PRELID2: variants seen among roughly 807,000 people sequenced by gnomAD.
PRELID2 encodes PRELI domain-containing protein 2.
A neutral mutation model predicts 28.4 loss-of-function variants in PRELID2; 25 were observed. That is an observed-to-expected ratio of 0.88 (90% CI 0.64 to 1.23). The LOEUF (loss-of-function observed/expected upper bound fraction) is 1.23. Ranked by LOEUF, PRELID2 falls within the 50% of genes most tolerant of loss-of-function variation. PRELID2 has a pLI of 0.00. For synonymous variants in PRELID2, 76 were observed against 71.6 expected, an observed-to-expected ratio of 1.06 and a Z score of -0.31; for missense variants, 201 against 214.4, an observed-to-expected ratio of 0.94 and a Z score of 0.39.
intron 5 of PRELID2, 91 bp from the exon 6 acceptor site, chr5:145,765,091 G>A (rs1757667315): frequency 4.7e-6 from 4 of 843,974 alleles, no homozygotes; most frequent in Non-Finnish European, 7.3e-6. Context: ...AAAGAATCCA[G>A]GTCATGGCCA....
chr5:145,732,807 T>C (rs1756381938), intron 1 of PRELID2, among the ~76,000 whole-genome samples: 1 of 152,010 alleles, frequency 6.6e-6, no homozygotes, highest in African/African-American at 2.4e-5. Context: ...TGGGTATCTA[T>C]GGGGAGGATA....
At chr5:145,576,082 G>A (rs755898672) in intron 1 of PRELID2, among the ~76,000 whole-genome samples, 3 of 152,138 alleles carry the variant, frequency 2.0e-5, no homozygotes, top group Non-Finnish European at 4.4e-5. Context: ...TTTATGTGCT[G>A]TCATGGGCCT....
chr5:145,713,350 T>TTATATATATATATATA lies in PRELID2; in HGVS notation n.70+51565_70+51580dup, dbSNP rs148194664. 2.5e-3 allele frequency among the ~76,000 whole-genome samples: 313 copies of TTATATATATATATATA among 124,654 alleles called. 3 individuals are homozygous for TTATATATATATATATA. The highest frequency in any genetic ancestry group is 6.8e-3 in the African/African-American group (218 of 32,106). 81.8% of individuals were successfully genotyped at this position (124,654 alleles called of 152,430 possible). A position where few individuals can be genotyped will look rare whatever the true frequency, so the allele number is the denominator to read the frequency against. ...AGAACTCTAAGAATGATATCTGACT[T>TTATATATATATATATA]TATATATATATATATATATACTTTA... On this transcript the variant is annotated intron_variant and non_coding_transcript_variant, in intron 1 of 2. Transcript: ENST00000510259.
At chr5:145,805,429 T>C (rs1048571769) in intron 4 of PRELID2, among the ~76,000 whole-genome samples, 1 of 152,162 alleles carries the variant, frequency 6.6e-6, no homozygotes, top group Non-Finnish European at 1.5e-5. Context: ...ATGGGATACT[T>C]ACTATTTATC....
At chr5:145,394,748 G>A in the PRELID2 span, among the ~76,000 whole-genome samples, 1 of 152,086 alleles carries the variant, frequency 6.6e-6, no homozygotes, top group Non-Finnish European at 1.5e-5. Flanking sequence ...CCATTTTATG[G>A]AGGAGTGGCA....
At chr5:145,412,149 A>G in the PRELID2 span, among the ~76,000 whole-genome samples, 1 of 152,126 alleles carries the variant, frequency 6.6e-6, no homozygotes, top group Non-Finnish European at 1.5e-5. Flanking sequence ...TTGGTGATTA[A>G]TATTTGGTTC....
intron 1 of PRELID2, among the ~76,000 whole-genome samples, chr5:145,657,470 G>C (rs1331175350): frequency 6.6e-6 from 1 of 152,142 alleles, no homozygotes; most frequent in African/African-American, 2.4e-5. Context: ...CAGATCATGA[G>C]GTCAGGAGTT....
At chr5:145,327,007 CAAACGCCATAATCTT>C in the PRELID2 span, among the ~76,000 whole-genome samples, 1 of 102,724 alleles carries the variant, frequency 9.7e-6, no homozygotes, top group Non-Finnish European at 2.1e-5. Flanking sequence ...GACACAGTCA[CAAACGCCATAATCTT>C]AAATGTTGAA....
intron 1 of PRELID2, among the ~76,000 whole-genome samples, chr5:145,513,978 A>G (rs1752489259): frequency 6.6e-6 from 1 of 152,198 alleles, no homozygotes; most frequent in East Asian, 1.9e-4. Flanking sequence ...CCTGTCTTAC[A>G]AGAGCTCCTG....
the PRELID2 span, among the ~76,000 whole-genome samples, chr5:145,348,016 G>A: frequency 6.6e-6 from 1 of 152,064 alleles, no homozygotes; most frequent in Admixed American, 6.6e-5. Flanking sequence ...TGAACAAGCA[G>A]GCAGTAACAT....
chr5:145,367,004 T>A, the PRELID2 span, among the ~76,000 whole-genome samples: 1 of 150,980 alleles, frequency 6.6e-6, no homozygotes, highest in Non-Finnish European at 1.5e-5. Context: ...CCATACATAA[T>A]CAGGTTTCTA....
At chr5:145,231,441 T>C in the PRELID2 span, among the ~76,000 whole-genome samples, 15 of 152,224 alleles carry the variant, frequency 9.9e-5, no homozygotes, top group Middle Eastern at 3.4e-3. Context: ...TGGCCTACAC[T>C]GAGGGAGAGA....
At chr5:145,467,494 A>G (rs764155191), downstream of PRELID2, among the ~76,000 whole-genome samples, 3 of 152,214 alleles carry the variant, frequency 2.0e-5, no homozygotes, top group Non-Finnish European at 2.9e-5. Context: ...TCATATTTTT[A>G]AAATAAAATG....
chr5:145,517,013 A>C (rs1194187519), intron 1 of PRELID2, among the ~76,000 whole-genome samples: 1 of 152,182 alleles, frequency 6.6e-6, no homozygotes, highest in Non-Finnish European at 1.5e-5. Flanking sequence ...ACTTAAAAGT[A>C]AGACCTAAAA....
intron 5 of PRELID2, among the ~76,000 whole-genome samples, chr5:145,790,721 G>GTGTGTGTGTGTATGTATA (rs772901344): frequency 2.7e-5 from 3 of 110,910 alleles, no homozygotes; most frequent in African/African-American, 9.2e-5. Context: ...GTGTGTGTGT[G>GTGTGTGTGTGTATGTATA]TATATATATA....
intron 5 of PRELID2, among the ~76,000 whole-genome samples, chr5:145,790,499 T>C (rs546076060): frequency 6.6e-6 from 1 of 152,080 alleles, no homozygotes; most frequent in Non-Finnish European, 1.5e-5. Context: ...AATAAGGAGA[T>C]GTTGGCCAAA....
intron 1 of PRELID2, among the ~76,000 whole-genome samples, chr5:145,674,710 G>A (rs1754779332): frequency 6.6e-6 from 1 of 152,166 alleles, no homozygotes; most frequent in South Asian, 2.1e-4. Flanking sequence ...TTGGGAGGCA[G>A]ATGCAGGCAG....
At chr5:145,612,997 A>G (rs539798554) in intron 1 of PRELID2, among the ~76,000 whole-genome samples, 15 of 152,178 alleles carry the variant, frequency 9.9e-5, no homozygotes, top group Non-Finnish European at 1.8e-4. Flanking sequence ...CAATCCAGCA[A>G]TTGGTATAAA....
chr5:145,241,019 C>T, the PRELID2 span, among the ~76,000 whole-genome samples: 5 of 151,998 alleles, frequency 3.3e-5, no homozygotes, highest in East Asian at 9.7e-4. Flanking sequence ...TCAGCGTCCT[C>T]ATCTGGAATA....
Sources: gnomAD v4.1 joint callset for allele counts (sites outside exome capture counted in the v4.1 genomes callset) on GRCh38, gnomAD v4.1.1 for gene constraint, MANE v1.5 for transcripts, NCBI Gene and HGNC (gene_info 2026-07-23, HGNC 2026-07-21) for gene names.